Variants in PRDM15 observed in about 807,000 individuals in gnomAD.
PRDM15 encodes the protein PR/SET domain 15.
Under a neutral mutation model 128.6 loss-of-function variants are expected in PRDM15, and 64 were observed. The ratio of observed to expected loss-of-function variants is 0.50; its 90% CI spans 0.41 to 0.61. The LOEUF is 0.61. Ranked by LOEUF, PRDM15 falls within the 20% of genes least tolerant of loss-of-function variation. The pLI is 0.00. For missense variants in PRDM15, 1,242 were observed against 1,569.1 expected (o/e 0.79, Z 3.52); for synonymous variants, 615 against 621.8 (o/e 0.99, Z 0.16).
At chr21:41,863,904 C>T (rs13046926) in intron 1 of PRDM15, among the ~76,000 whole-genome samples, 10 of 151,206 alleles carry the variant, frequency 6.6e-5, no homozygotes, top group East Asian at 1.9e-4. Flanking sequence ...AGTGCAGTGG[C>T]GCGATCTCAG....
At chr21:41,848,893 A>G (rs945757826) in intron 5 of PRDM15, among the ~76,000 whole-genome samples, 2 of 152,262 alleles carry the variant, frequency 1.3e-5, no homozygotes, top group Non-Finnish European at 2.9e-5. Context: ...ATTAGTTAAC[A>G]GTCAGAAGGC....
intron 1 of PRDM15, chr21:41,871,511 T>C (rs2064209195): frequency 6.2e-7 from 1 of 1,606,046 alleles, no homozygotes; most frequent in Non-Finnish European, 8.5e-7. Context: ...TAGGGCAGGA[T>C]TGCGTCGCAG....
chr21:41,834,428 TAAC>T, intron 11 of PRDM15: 1 of 1,373,686 alleles, frequency 7.3e-7, no homozygotes, highest in Non-Finnish European at 1.0e-6. Flanking sequence ...GGTGGCACCT[TAAC>T]AAGAACAACA....
At chr21:41,807,894 G>A (rs1180707028) in intron 21 of PRDM15, among the ~76,000 whole-genome samples, 1 of 152,178 alleles carries the variant, frequency 6.6e-6, no homozygotes, top group African/African-American at 2.4e-5. Context: ...TTGGGCTTGA[G>A]GGGAGTGGGG....
chr21:41,820,158 C>T lies in PRDM15; in HGVS notation c.2077G>A (p.Glu693Lys), dbSNP rs753876514. Residue 693 changes from glutamate (E) to lysine (K), a missense_variant, in exon 17 of 24, where the codon GAG becomes AAG. Transcript: ENST00000398548. Reference sequence around the variant, plus strand: ...CTGTTGAAGATCCGCCCGCAGATCTCGCAGGGGTGGATGTACCTGAAACCA... The same window carrying T: ...CTGTTGAAGATCCGCCCGCAGATCTTGCAGGGGTGGATGTACCTGAAACCA... Reference protein sequence around the residue: ...PNVQKYIHPCEICGRIFNSIG... With the variant: ...PNVQKYIHPCKICGRIFNSIG... 8.1e-6 allele frequency: 13 copies of T among 1,613,542 alleles called. No homozygotes were observed. The Admixed American group carries it at 8.3e-5, about 10-fold the overall frequency.
chr21:41,834,248 G>C (rs1158973176), intron 11 of PRDM15, among the ~76,000 whole-genome samples: 1 of 152,050 alleles, frequency 6.6e-6, no homozygotes, highest in Non-Finnish European at 1.5e-5. Flanking sequence ...CCAAACCCTG[G>C]TTTCAAATAG....
In PRDM15 at chr21:41,801,136, A is replaced by ATTGCAATGTATGACTT. The variant is rs2061403865; in HGVS notation, c.*88_*103dup. On this transcript the variant is annotated 3_prime_UTR_variant, in exon 24 of 24. Transcript: ENST00000398548. The stretch of plus-strand genomic sequence containing the variant: ...CTCTGCAAAGCTAAGTCAACCTTAC[A>ATTGCAATGTATGACTT]TTGCAATGTATGACTTTTTGTTTGT... 1 of 1,439,682 alleles carries ATTGCAATGTATGACTT rather than the reference A, an allele frequency of 6.9e-7. No individual in the cohort carries two copies. Among genetic ancestry groups the ATTGCAATGTATGACTT allele is most frequent in the African/African-American group, 1.4e-5 (1 of 70,432 alleles). The allele number at this position is 1,439,682 out of a possible 1,614,324, so 89.2% of individuals were successfully genotyped here. A position where few individuals can be genotyped will look rare whatever the true frequency, so the allele number is the denominator to read the frequency against.
chr21:41,804,464 C>CCT (rs1295661672), intron 22 of PRDM15, 70 bp downstream of exon 22: 1 of 1,237,284 alleles, frequency 8.1e-7, no homozygotes, highest in Non-Finnish European at 1.2e-6. Flanking sequence ...TGTCCAAGCC[C>CCT]CTCTGGTCCC....
intron 1 of PRDM15, chr21:41,871,728 C>T (rs755937973): frequency 4.2e-5 from 54 of 1,289,104 alleles, no homozygotes; most frequent in Non-Finnish European, 5.4e-5. Context: ...GTTGTTACCA[C>T]TGACAGCCAA....
intron 9 of PRDM15, 67 bp from the exon 10 acceptor site, chr21:41,836,274 CG>C (rs1383573639): frequency 6.8e-7 from 1 of 1,462,788 alleles, no homozygotes; most frequent in Non-Finnish European, 9.5e-7. Flanking sequence ...GCATGCCCAC[CG>C]GGGAAATGCC....
Position 41,854,896 on chromosome 21 carries a change from T to C in PRDM15, c.286-78A>G. The C allele has an allele frequency of 6.6e-7, 1 of 1,504,528 alleles. No homozygotes were observed. Among genetic ancestry groups the C allele is most frequent in the Non-Finnish European group, 9.0e-7 (1 of 1,117,258 alleles). 93.2% of individuals were successfully genotyped at this position (1,504,528 alleles called of 1,614,324 possible). A position where few individuals can be genotyped will look rare whatever the true frequency, so the allele number is the denominator to read the frequency against. On this transcript the variant is annotated intron_variant, in intron 4 of 23. Transcript: ENST00000398548. This position sits in a 1 kb window ranked among gnomAD's most constrained non-coding sequence, Gnocchi z 4.6. ...TGTGTATCAGCGTGTGGGGGGCAGGTGCTGAGGAACCCATCTAGACAGTGC... is the reference window on the plus strand; with the variant it reads ...TGTGTATCAGCGTGTGGGGGGCAGGCGCTGAGGAACCCATCTAGACAGTGC...
Position 41,859,207 on chromosome 21 carries a change from G to A in PRDM15, c.131+385C>T, listed in dbSNP as rs116291688. On this transcript the variant is annotated intron_variant, in intron 3 of 23. Transcript: ENST00000398548. The surrounding 1 kb of genome is among the most constrained non-coding windows in gnomAD (Gnocchi z 5.3). ...TCCCCTGCCCCGCCTGGGTGTGCAC[G>A]TGTCCGCTGGCAGGCCAAGACCTGG... 0.014 allele frequency: 23,096 copies of A among 1,613,806 alleles called. 469 individuals are homozygous for A. The highest frequency in any genetic ancestry group is 0.08 in the Admixed American group (4,772 of 60,004).
intron 1 of PRDM15, among the ~76,000 whole-genome samples, chr21:41,863,662 G>A (rs533094468): frequency 3.9e-5 from 6 of 152,226 alleles, no homozygotes; most frequent in African/African-American, 9.6e-5. Flanking sequence ...GGAACGCTCC[G>A]TGAAGACACC....
intron 23 of PRDM15, among the ~76,000 whole-genome samples, chr21:41,802,006 TC>T (rs1420836180): frequency 6.6e-6 from 1 of 152,318 alleles, no homozygotes; most frequent in Non-Finnish European, 1.5e-5. Flanking sequence ...AACAGATGCT[TC>T]CTTTTCTATC....
chr21:41,820,479 GAAGAT>G, intron 16 of PRDM15, among the ~76,000 whole-genome samples: 1 of 152,314 alleles, frequency 6.6e-6, no homozygotes, highest in South Asian at 2.1e-4. Context: ...GTCCTTATAA[GAAGAT>G]GAGATTGGGC....
chr21:41,829,126 T>G (rs2062587340), intron 11 of PRDM15, among the ~76,000 whole-genome samples: 1 of 113,782 alleles, frequency 8.8e-6, no homozygotes. Context: ...ACACTCAACA[T>G]ACCACACACA....
chr21:41,816,395 C>T (rs978867832), intron 18 of PRDM15, among the ~76,000 whole-genome samples: 5 of 152,236 alleles, frequency 3.3e-5, no homozygotes, highest in Admixed American at 3.3e-4. Flanking sequence ...ACAAGGCCCT[C>T]CGCAGGGGGC....
chr21:41,819,706 G>A lies in PRDM15; in HGVS notation c.2141-5C>T. 1.3e-6 allele frequency: 2 copies of A among 1,596,388 alleles called. No homozygotes were observed. Among genetic ancestry groups the A allele is most frequent in the African/African-American group, 1.3e-5 (1 of 74,758 alleles). On this transcript the variant is annotated splice_polypyrimidine_tract_variant and splice_region_variant and intron_variant, in intron 17 of 23. Coordinates refer to ENST00000398548, the MANE Select transcript of PRDM15 (RefSeq NM_001040424.3). ...CGCAGGCGTGGCTCTTCACACCTGAGAACACAGGCATCTGCCACTCAGAGC... is the reference window on the plus strand; with the variant it reads ...CGCAGGCGTGGCTCTTCACACCTGAAAACACAGGCATCTGCCACTCAGAGC...
Position 41,854,556 on chromosome 21 carries a change from C to T in PRDM15, c.538+10G>A, listed in dbSNP as rs373108067. On this transcript the variant is annotated intron_variant, in intron 5 of 23. Transcript: ENST00000398548. The surrounding 1 kb of genome is among the most constrained non-coding windows in gnomAD (Gnocchi z 4.6). Reference sequence around the variant, plus strand: ...GGAAGGTGGGCTCCGGATCGGGGGCCGCCACATACCGTGGACGCCAGAGCC... The same window carrying T: ...GGAAGGTGGGCTCCGGATCGGGGGCTGCCACATACCGTGGACGCCAGAGCC... The T allele has an allele frequency of 1.4e-5, 23 of 1,611,928 alleles. No individual in the cohort carries two copies. The highest frequency in any genetic ancestry group is 5.3e-5 in the African/African-American group (4 of 75,048).
Sources: gnomAD v4.1 joint callset for allele counts (sites outside exome capture counted in the v4.1 genomes callset) on GRCh38, gnomAD v4.1.1 for gene constraint, Gnocchi (gnomAD v3.1) non-coding constraint, MANE v1.5 for transcripts, NCBI Gene and HGNC (gene_info 2026-07-23, HGNC 2026-07-21) for gene names.